CDH4: variants seen among roughly 807,000 people sequenced by gnomAD.
CDH4 encodes the protein cadherin 4.
Under a neutral mutation model 86.0 loss-of-function variants are expected in CDH4, and 33 were observed. The ratio of observed to expected loss-of-function variants is 0.38; its 90% CI spans 0.29 to 0.51. The LOEUF (loss-of-function observed/expected upper bound fraction) is 0.51, where lower values mean the gene tolerates loss of function less well. Among genes scored for constraint, CDH4 ranks in the 20% least tolerant of loss-of-function variants. The pLI is 0.86. For synonymous variants in CDH4, 555 were observed against 549.4 expected, an observed-to-expected ratio of 1.01 and a Z score of -0.14; for missense variants, 1,114 against 1,307.4, an observed-to-expected ratio of 0.85 and a Z score of 2.28.
In CDH4 at chr20:61,501,300, A is replaced by T. The variant is rs1159016352; in HGVS notation, c.170-242263A>T. On this transcript the variant is annotated intron_variant, in intron 2 of 15. Transcript: ENST00000614565. The surrounding 1 kb of genome is among the most constrained non-coding windows in gnomAD (Gnocchi z 4.2). ...CAGCCTGCGATAATACAGCTAATAC[A>T]TTATTGCCTCTGGCTTCCGTGCAGA... Among the ~76,000 whole-genome samples the T allele has an allele frequency of 6.6e-6, 1 of 152,192 alleles. No individual in the cohort carries two copies.
In CDH4 at chr20:61,423,056, C is replaced by T. The variant is rs146830494; in HGVS notation, c.169+168119C>T. On this transcript the variant is annotated intron_variant, in intron 2 of 15. Coordinates refer to ENST00000614565, the MANE Select transcript of CDH4 (RefSeq NM_001794.5). Reference sequence around the variant, plus strand: ...GTCGCAAACAGGATGGCTGAGTGGACGTGGTAGAGAAATGCCTGGATGCTG... The same window carrying T: ...GTCGCAAACAGGATGGCTGAGTGGATGTGGTAGAGAAATGCCTGGATGCTG... Among the ~76,000 whole-genome samples, 281 of 152,228 alleles carry T rather than the reference C, an allele frequency of 1.8e-3. 2 individuals are homozygous for T. Among genetic ancestry groups the T allele is most frequent in the African/African-American group, 6.1e-3 (255 of 41,550 alleles).
intron 2 of CDH4, among the ~76,000 whole-genome samples, chr20:61,690,498 G>A (rs185447075): frequency 2.2e-4 from 34 of 152,240 alleles, no homozygotes; most frequent in Non-Finnish European, 4.0e-4. Flanking sequence ...GCCAAGGAAG[G>A]AGTGTGGACC....
At chr20:61,704,296 TC>T (rs1374468740) in intron 2 of CDH4, among the ~76,000 whole-genome samples, 2 of 152,012 alleles carry the variant, frequency 1.3e-5, no homozygotes, top group Non-Finnish European at 2.9e-5. Flanking sequence ...CAGCACTGCC[TC>T]CCCACTCTGA....
At chr20:61,842,684 C>G (rs1600704223) in intron 4 of CDH4, among the ~76,000 whole-genome samples, 1 of 147,510 alleles carries the variant, frequency 6.8e-6, no homozygotes, top group African/African-American at 2.5e-5. Context: ...GAGGACTTTT[C>G]CCCTAACTAC....
Position 61,377,127 on chromosome 20 carries a change from G to A in CDH4, c.169+122190G>A, listed in dbSNP as rs1433933654. 1.3e-5 allele frequency among the ~76,000 whole-genome samples: 2 copies of A among 152,164 alleles called. No homozygotes were observed. The highest frequency in any genetic ancestry group is 4.8e-5 in the African/African-American group (2 of 41,432). On this transcript the variant is annotated intron_variant, in intron 2 of 15. Transcript: ENST00000614565. This position sits in a 1 kb window ranked among gnomAD's most constrained non-coding sequence, Gnocchi z 4.0. ...GCCAAGGTAACTGGGGATTTGGAAG[G>A]GACAGCCAAGTGACATATTCTGCAA...
chr20:61,654,030 G>A (rs1447059821), intron 2 of CDH4, among the ~76,000 whole-genome samples: 6 of 151,980 alleles, frequency 3.9e-5, no homozygotes, highest in East Asian at 1.9e-4. Context: ...GGTGGCGGCC[G>A]GGCAGAGGCT....
rs771116674 is a variant in CDH4, at chr20:61,501,862, G to C, written c.170-241701G>C. On this transcript the variant is annotated intron_variant, in intron 2 of 15. Transcript: ENST00000614565. This position sits in a 1 kb window ranked among gnomAD's most constrained non-coding sequence, Gnocchi z 4.2. ...GCTAACGCTGGACACGTGTGTCCTT[G>C]TATATACCTGTTGCGCCTGCGAGAA... Among the ~76,000 whole-genome samples the C allele has an allele frequency of 2.4e-4, 37 of 152,150 alleles. No individual in the cohort carries two copies. Among genetic ancestry groups the C allele is most frequent in the Non-Finnish European group, 1.9e-4 (13 of 68,032 alleles).
intron 2 of CDH4, among the ~76,000 whole-genome samples, chr20:61,661,188 A>G (rs1247922442): frequency 6.6e-6 from 1 of 151,240 alleles, no homozygotes; most frequent in African/African-American, 2.4e-5. Context: ...GAAGGGCCAG[A>G]AGGGCCATGG....
intron 2 of CDH4, among the ~76,000 whole-genome samples, chr20:61,321,622 C>T (rs1052134396): frequency 1.3e-5 from 2 of 152,254 alleles, no homozygotes; most frequent in East Asian, 3.9e-4. Flanking sequence ...GTGCGGTGAG[C>T]GGAGGACTTC....
chr20:61,936,394 CACACCCCCTCCCCCCTCTCCCACA>C, intron 15 of CDH4, among the ~76,000 whole-genome samples: 1 of 10,424 alleles, frequency 9.6e-5, no homozygotes, highest in Admixed American at 7.1e-4. Flanking sequence ...CCCCCTCCCC[CACACCCCCTCCCCCCTCTCCCACA>C]CCCCCCCCCC....
intron 2 of CDH4, among the ~76,000 whole-genome samples, chr20:61,646,392 AC>A (rs1379739156): frequency 1.3e-5 from 2 of 152,118 alleles, no homozygotes; most frequent in African/African-American, 2.4e-5. Context: ...CCTGACAGCC[AC>A]CCTTCTGAAG....
At chr20:61,520,446 A>G (rs2085860189) in intron 2 of CDH4, among the ~76,000 whole-genome samples, 1 of 152,146 alleles carries the variant, frequency 6.6e-6, no homozygotes, top group Non-Finnish European at 1.5e-5. Flanking sequence ...CTCATCTGTG[A>G]GGTAGAGATA....
rs1801413074 is a variant in CDH4 at position 61,873,886 on chromosome 20, G to A, written c.1036G>A (p.Gly346Ser). The change falls in exon 7 of 16, where the codon GGC becomes AGC. Residue 346 changes from glycine (G) to serine (S), a missense_variant. Around this residue, in one of 3 missense-constraint regions of CDH4, gnomAD observed 705 missense variants for 914.1 expected, o/e 0.77. Coordinates refer to ENST00000614565, the MANE Select transcript of CDH4 (RefSeq NM_001794.5). The stretch of plus-strand genomic sequence containing the variant: ...TGGAGATATCGTCACAGTGGCGGCT[G>A]GCCTGGACCGAGAGGTGAGGCGGGG... ...ETGDIVTVAA[G>S]LDREKVQQYT... The A allele has an allele frequency of 6.2e-7, 1 of 1,613,732 alleles. No individual in the cohort carries two copies. The highest frequency in any genetic ancestry group is 8.5e-7 in the Non-Finnish European group (1 of 1,179,980).
intron 4 of CDH4, among the ~76,000 whole-genome samples, chr20:61,792,141 G>A (rs74584101): frequency 0.011 from 1,706 of 152,210 alleles, 39 homozygotes; most frequent in African/African-American, 0.04. Flanking sequence ...CAGTAGAGGC[G>A]TGAAGGTGAG....
chr20:61,763,213 C>T (rs1220848132), intron 3 of CDH4, among the ~76,000 whole-genome samples: 1 of 152,174 alleles, frequency 6.6e-6, no homozygotes, highest in Non-Finnish European at 1.5e-5. Flanking sequence ...CATGTTTTTG[C>T]CATCTCTTGA....
chr20:61,886,528 G>C (rs550180455), intron 7 of CDH4, among the ~76,000 whole-genome samples: 184 of 152,324 alleles, frequency 1.2e-3, no homozygotes, highest in Admixed American at 2.5e-3. Context: ...ACAGGAGCAT[G>C]CATCCAGCAG....
intron 3 of CDH4, among the ~76,000 whole-genome samples, chr20:61,744,690 G>A (rs1294638387): frequency 2.0e-5 from 3 of 152,148 alleles, no homozygotes; most frequent in Non-Finnish European, 2.9e-5. Flanking sequence ...CCGGCTGCCT[G>A]GCTCACCCGG....
rs543512453 is a variant in CDH4, at chr20:61,927,974, G to A, written c.1772-216G>A. ...ACGCAGTGGTGTGGCTGCCCATGGC[G>A]TGTGGCAGGGTGTCGGTCAGGAGCC... On this transcript the variant is annotated intron_variant, in intron 11 of 15. Coordinates refer to ENST00000614565, the MANE Select transcript of CDH4 (RefSeq NM_001794.5). 6.6e-5 allele frequency among the ~76,000 whole-genome samples: 10 copies of A among 152,362 alleles called. No individual in the cohort carries two copies. In the South Asian group the frequency reaches 1.5e-3, roughly 22 times the overall value.
intron 2 of CDH4, chr20:61,434,921 A>C (rs1306126287): frequency 6.6e-6 from 1 of 152,100 alleles, no homozygotes; most frequent in Admixed American, 6.5e-5. Context: ...CTTTCTTTTA[A>C]TATGTCTTAT....
Sources: gnomAD v4.1 joint callset for allele counts (sites outside exome capture counted in the v4.1 genomes callset) on GRCh38, gnomAD v4.1.1 for gene constraint, gnomAD v4.1.1 regional missense constraint, Gnocchi (gnomAD v3.1) non-coding constraint, MANE v1.5 for transcripts, NCBI Gene and HGNC (gene_info 2026-07-23, HGNC 2026-07-21) for gene names.